PHACTR1: variants seen among roughly 807,000 people sequenced by gnomAD.
PHACTR1 encodes the protein phosphatase and actin regulator 1.
A neutral mutation model predicts 69.2 loss-of-function variants in PHACTR1; 16 were observed. The ratio of observed to expected loss-of-function variants is 0.23; its 90% CI spans 0.16 to 0.35. The LOEUF is 0.35. PHACTR1 is among the 10% of genes least tolerant of loss of function. The probability of loss-of-function intolerance (pLI) is 1.00; values close to 1 mark genes in which losing one functional copy is unlikely to be tolerated. For missense variants in PHACTR1, 510 were observed against 734.7 expected (o/e 0.69, Z 3.54); for synonymous variants, 312 against 284.5 (o/e 1.10, Z -0.97).
chr6:12,960,660 A>T (rs115893117), intron 4 of PHACTR1, among the ~76,000 whole-genome samples: 264 of 152,160 alleles, frequency 1.7e-3, no homozygotes, highest in African/African-American at 6.2e-3. Context: ...CTTCTAATGG[A>T]TGTAGTGGGT....
At chr6:12,840,870 A>T (rs1027545618) in intron 4 of PHACTR1, among the ~76,000 whole-genome samples, 1 of 152,190 alleles carries the variant, frequency 6.6e-6, no homozygotes, top group Non-Finnish European at 1.5e-5. Flanking sequence ...TATTTAAGTG[A>T]TGCTTGTTGC....
At chr6:12,955,688 T>C (rs990699471) in intron 4 of PHACTR1, among the ~76,000 whole-genome samples, 6 of 152,212 alleles carry the variant, frequency 3.9e-5, no homozygotes, top group Non-Finnish European at 8.8e-5. Flanking sequence ...GAAGTTACTG[T>C]AGCAACGGCC....
intron 4 of PHACTR1, among the ~76,000 whole-genome samples, chr6:12,860,681 T>C (rs527518007): frequency 6.6e-6 from 1 of 152,352 alleles, no homozygotes; most frequent in South Asian, 2.1e-4. Context: ...TTTTTAATGA[T>C]CGCCATTCTA....
intron 5 of PHACTR1, among the ~76,000 whole-genome samples, chr6:13,061,499 G>A (rs1427985189): frequency 6.6e-6 from 1 of 152,314 alleles, no homozygotes; most frequent in South Asian, 2.1e-4. Flanking sequence ...AAGATCATGA[G>A]CTTATGAGTA....
chr6:13,051,719 C>T (rs936554590), intron 4 of PHACTR1, among the ~76,000 whole-genome samples: 3 of 152,186 alleles, frequency 2.0e-5, no homozygotes, highest in Admixed American at 6.5e-5. Flanking sequence ...GAATTAGTTG[C>T]TCTCTCCTCT....
intron 5 of PHACTR1, among the ~76,000 whole-genome samples, chr6:13,115,625 C>A (rs917732993): frequency 1.3e-5 from 2 of 152,122 alleles, no homozygotes; most frequent in Non-Finnish European, 2.9e-5. Context: ...TATCAAGATG[C>A]GTTTAGTTAC....
chr6:12,721,299 G>A (rs1480348478), intron 3 of PHACTR1, among the ~76,000 whole-genome samples: 2 of 151,978 alleles, frequency 1.3e-5, no homozygotes, highest in East Asian at 1.9e-4. Flanking sequence ...TAGGAGAATC[G>A]CTTGAACCTG....
At chr6:13,156,601 A>G (rs1217249265) in intron 5 of PHACTR1, among the ~76,000 whole-genome samples, 2 of 152,216 alleles carry the variant, frequency 1.3e-5, no homozygotes, top group African/African-American at 2.4e-5. Flanking sequence ...CACGTAGCAC[A>G]TTCTCATTTA....
At chr6:13,171,840 C>T (rs1438569492) in intron 6 of PHACTR1, among the ~76,000 whole-genome samples, 1 of 152,118 alleles carries the variant, frequency 6.6e-6, no homozygotes, top group Non-Finnish European at 1.5e-5. Flanking sequence ...AATCTCGGCT[C>T]ACTGCAACCT....
intron 4 of PHACTR1, among the ~76,000 whole-genome samples, chr6:12,884,907 A>G (rs1783484446): frequency 6.6e-6 from 1 of 152,230 alleles, no homozygotes; most frequent in South Asian, 2.1e-4. Flanking sequence ...AACACTTACA[A>G]GATGGCTTAC....
At chr6:12,767,881 C>G (rs1342273029) in intron 4 of PHACTR1, among the ~76,000 whole-genome samples, 1 of 152,150 alleles carries the variant, frequency 6.6e-6, no homozygotes, top group Admixed American at 6.5e-5. Context: ...GTAGCATATT[C>G]TACCTGAACA....
At chr6:12,788,580 G>A (rs939827291) in intron 4 of PHACTR1, among the ~76,000 whole-genome samples, 2 of 152,126 alleles carry the variant, frequency 1.3e-5, no homozygotes, top group African/African-American at 4.8e-5. Flanking sequence ...TGCAATAGTT[G>A]TTATTATCCT....
intron 4 of PHACTR1, among the ~76,000 whole-genome samples, chr6:12,969,447 G>A (rs576007642): frequency 5.3e-5 from 8 of 152,214 alleles, no homozygotes; most frequent in Non-Finnish European, 8.8e-5. Flanking sequence ...CACCCCTGCC[G>A]AGGGTATTCC....
intron 4 of PHACTR1, among the ~76,000 whole-genome samples, chr6:12,861,516 C>G (rs1780937067): frequency 6.6e-6 from 1 of 152,168 alleles, no homozygotes; most frequent in Non-Finnish European, 1.5e-5. Flanking sequence ...AGCTAAACTC[C>G]TTTACCAATG....
At chr6:13,269,974 CAATTT>C (rs1301674978) in intron 10 of PHACTR1, among the ~76,000 whole-genome samples, 1 of 152,210 alleles carries the variant, frequency 6.6e-6, no homozygotes, top group African/African-American at 2.4e-5. Context: ...TCCTGTAATT[CAATTT>C]GATTCTGACC....
intron 5 of PHACTR1, among the ~76,000 whole-genome samples, chr6:13,090,068 T>C (rs573709589): frequency 1.3e-5 from 2 of 152,162 alleles, no homozygotes; most frequent in African/African-American, 4.8e-5. Context: ...TTGTTGTTGT[T>C]TTTGAGACGG....
intron 3 of PHACTR1, among the ~76,000 whole-genome samples, chr6:12,728,129 T>G (rs1368910088): frequency 6.6e-6 from 1 of 151,954 alleles, no homozygotes; most frequent in African/African-American, 2.4e-5. Context: ...CTGGGCAAAA[T>G]AACAAGATGC....
chr6:12,844,602 G>A (rs781683808), intron 4 of PHACTR1, among the ~76,000 whole-genome samples: 2 of 152,116 alleles, frequency 1.3e-5, no homozygotes, highest in East Asian at 3.9e-4. Context: ...ATTTTGGTAG[G>A]CAAGTGTTCA....
chr6:13,019,503 A>G (rs1314738498), intron 4 of PHACTR1, among the ~76,000 whole-genome samples: 1 of 152,240 alleles, frequency 6.6e-6, no homozygotes, highest in Non-Finnish European at 1.5e-5. Flanking sequence ...GGCTCAGAGT[A>G]TGTCCAATAA....
Sources: gnomAD v4.1 joint callset for allele counts (sites outside exome capture counted in the v4.1 genomes callset) on GRCh38, gnomAD v4.1.1 for gene constraint, MANE v1.5 for transcripts, NCBI Gene and HGNC (gene_info 2026-07-23, HGNC 2026-07-21) for gene names.